Variants in BET1 observed in about 807,000 individuals in gnomAD.
The protein encoded by BET1 is Bet1 golgi vesicular membrane trafficking protein, also known as BET1 homolog.
BET1 carries 9 observed loss-of-function variants against 13.9 expected under a neutral mutation model. The ratio of observed to expected loss-of-function variants is 0.65; its 90% CI spans 0.39 to 1.13. The LOEUF is 1.13. Ranked by LOEUF, BET1 falls within the 50% of genes most tolerant of loss-of-function variation. BET1 has a pLI of 0.01. For synonymous variants in BET1, 39 were observed against 47.3 expected (o/e 0.82, Z 0.72); for missense variants, 127 against 133.6 (o/e 0.95, Z 0.24).
exon 7 of BET1, chr7:93,963,516 G>T (rs1476134126): frequency 6.6e-6 from 1 of 151,932 alleles, no homozygotes; most frequent in Non-Finnish European, 1.5e-5. Flanking sequence ...AGTCTTCACT[G>T]AGGGAAGGAT....
intron 5 of BET1, chr7:93,975,899 C>T: frequency 1.2e-5 from 13 of 1,121,044 alleles, no homozygotes; most frequent in Non-Finnish European, 1.5e-5. Context: ...TTGTTAAAAA[C>T]TTACTTCTTT....
rs146435640 is a variant in BET1 at position 93,964,492 on chromosome 7, C to T, written c.*1333G>A. Reference sequence around the variant, plus strand: ...GATATTCCATGGCATATATGTACCACATTTTCTTTATCCAGTCCACTGTTG... The same window carrying T: ...GATATTCCATGGCATATATGTACCATATTTTCTTTATCCAGTCCACTGTTG... On this transcript the variant is annotated 3_prime_UTR_variant and NMD_transcript_variant, in exon 7 of 7. Coordinates refer to the BET1 transcript ENST00000357520. 5.5e-4 allele frequency: 84 copies of T among 152,182 alleles called. 1 individual carries two copies. The highest frequency in any genetic ancestry group is 1.9e-3 in the African/African-American group (80 of 41,542). 9.4% of individuals were successfully genotyped at this position (152,182 alleles called of 1,614,324 possible).
Position 93,996,337 on chromosome 7 carries a change from T to C in BET1, c.145-16A>G, listed in dbSNP as rs566777984. On this transcript the variant is annotated splice_polypyrimidine_tract_variant and intron_variant, in intron 2 of 3. Coordinates refer to ENST00000222547, the MANE Select transcript of BET1 (RefSeq NM_005868.6). ...CAATGGAAAGCTATAAAGAAGAAGGTATACACAGGATTACTCACATAAAAG... is the reference window on the plus strand; with the variant it reads ...CAATGGAAAGCTATAAAGAAGAAGGCATACACAGGATTACTCACATAAAAG... 3.3e-6 allele frequency: 5 copies of C among 1,531,574 alleles called. No individual in the cohort carries two copies. Among genetic ancestry groups the C allele is most frequent in the African/African-American group, 2.8e-5 (2 of 71,250 alleles). 94.9% of individuals were successfully genotyped at this position (1,531,574 alleles called of 1,614,324 possible).
chr7:93,996,426 G>A lies in BET1; in HGVS notation c.145-105C>T, dbSNP rs180935449. The A allele has an allele frequency of 7.6e-4, 601 of 793,196 alleles. 4 individuals carry two copies. The African/African-American group carries it at 9.1e-3, about 12-fold the overall frequency. 49.1% of individuals were successfully genotyped at this position (793,196 alleles called of 1,614,324 possible). On this transcript the variant is annotated intron_variant, in intron 2 of 3. Transcript: ENST00000222547. ...GCATACACATTTTCTGAAATGAAAC[G>A]GTCTTCTAGACACATAAACTCTCTT...
downstream of BET1, chr7:93,992,663 T>G: frequency 1.0e-6 from 1 of 985,204 alleles, no homozygotes; most frequent in South Asian, 4.7e-5. Flanking sequence ...TGTCTTGTCC[T>G]TAAAATAACT....
intron 2 of BET1, among the ~76,000 whole-genome samples, chr7:93,997,059 G>A (rs1309224814): frequency 3.9e-5 from 6 of 151,984 alleles, no homozygotes; most frequent in Non-Finnish European, 8.8e-5. Flanking sequence ...GAAGAAAAGA[G>A]CCATAGCTTA....
At chr7:93,976,007 T>C (rs959682339) in exon 5 of BET1, 2 of 1,280,544 alleles carry the variant, frequency 1.6e-6, no homozygotes, top group Non-Finnish European at 2.0e-6. Flanking sequence ...CCTCCTTCTT[T>C]TTAAGCTTCT....
chr7:93,985,655 A>G (rs975769276), intron 4 of BET1, among the ~76,000 whole-genome samples: 5 of 152,208 alleles, frequency 3.3e-5, no homozygotes, highest in Admixed American at 6.5e-5. Context: ...CTGTGTTCAA[A>G]CCAAATAATG....
In BET1 at chr7:93,972,843, CT is replaced by C. The variant is rs879404905; in HGVS notation, c.*49-181del. On this transcript the variant is annotated intron_variant and NMD_transcript_variant, in intron 5 of 6. Coordinates refer to the BET1 transcript ENST00000357520. ...AGTGGGTAGACAGCATCACTCGTAT[CT>C]TTTTTTTTTTTTCTTCTATCATCTG... is the stretch of plus-strand genomic sequence containing the variant. Among the ~76,000 whole-genome samples, 1,435 of 144,512 alleles carry C rather than the reference CT, an allele frequency of 9.9e-3. 17 individuals carry two copies. Among genetic ancestry groups the C allele is most frequent in the African/African-American group, 0.03 (1,196 of 39,870 alleles). 94.8% of individuals were successfully genotyped at this position (144,512 alleles called of 152,430 possible).
At chr7:93,998,660 T>C (rs1023050049) in intron 2 of BET1, among the ~76,000 whole-genome samples, 4 of 150,362 alleles carry the variant, frequency 2.7e-5, no homozygotes, top group African/African-American at 9.8e-5. Flanking sequence ...AACTGCACCA[T>C]TGCACTCCAG....
Position 94,004,341 on chromosome 7 carries a change from C to A in BET1, c.-125G>T. 7.5e-7 allele frequency: 1 copy of A among 1,330,678 alleles called. No individual in the cohort carries two copies. Among genetic ancestry groups the A allele is most frequent in the South Asian group, 1.2e-5 (1 of 83,846 alleles). 82.4% of individuals were successfully genotyped at this position (1,330,678 alleles called of 1,614,324 possible). The stretch of plus-strand genomic sequence containing the variant: ...GAAACACCAACTTCTTCCCCTAAAG[C>A]GCCACGACATCAGTGGAGTCTAAAC... On this transcript the variant is annotated 5_prime_UTR_variant, in exon 1 of 4. Coordinates refer to ENST00000222547, the MANE Select transcript of BET1 (RefSeq NM_005868.6).
chr7:93,969,590 G>C (rs1192901817), intron 6 of BET1: 1 of 150,794 alleles, frequency 6.6e-6, no homozygotes, highest in Non-Finnish European at 1.5e-5. Context: ...TTTATGACCT[G>C]CTTTTTTTTT....
rs75703209 is a variant in BET1, at chr7:93,974,454, A to C, written c.*48+1450T>G. On this transcript the variant is annotated intron_variant and NMD_transcript_variant, in intron 5 of 6. Transcript: ENST00000357520. The stretch of plus-strand genomic sequence containing the variant: ...TAAGACTTTAGCCCCATGCAGCAGC[A>C]GGAAGTACGACAGTGCTCAAAAAAG... 2.8e-3 allele frequency among the ~76,000 whole-genome samples: 424 copies of C among 152,156 alleles called. 1 individual carries two copies. The highest frequency in any genetic ancestry group is 9.7e-3 in the African/African-American group (402 of 41,554).
chr7:93,980,026 C>T (rs1461232373), intron 4 of BET1, among the ~76,000 whole-genome samples: 1 of 152,042 alleles, frequency 6.6e-6, no homozygotes, highest in African/African-American at 2.4e-5. Context: ...AATTTTCCTA[C>T]CTACAAGAAA....
intron 3 of BET1, chr7:93,995,926 C>G: frequency 2.8e-6 from 1 of 358,316 alleles, no homozygotes; most frequent in East Asian, 4.2e-5. Context: ...TATCAAGTGC[C>G]TTTTGATTGC....
At chr7:93,996,807 G>A (rs1325041608) in intron 2 of BET1, among the ~76,000 whole-genome samples, 1 of 151,214 alleles carries the variant, frequency 6.6e-6, no homozygotes, top group African/African-American at 2.4e-5. Flanking sequence ...TTTGTTGTAC[G>A]GATTATTTCG....
intron 3 of BET1, 125 bp downstream of exon 3, chr7:93,996,140 T>G: frequency 1.4e-6 from 1 of 730,124 alleles, no homozygotes; most frequent in Non-Finnish European, 2.3e-6. Context: ...TCCAAACACA[T>G]TAGATACAAA....
At chr7:94,003,598 G>A (rs1467504591) in intron 1 of BET1, among the ~76,000 whole-genome samples, 1 of 152,006 alleles carries the variant, frequency 6.6e-6, no homozygotes, top group African/African-American at 2.4e-5. Flanking sequence ...TAACCCCAAA[G>A]GTAAAGATCA....
chr7:93,984,695 G>T (rs1402268242), intron 4 of BET1, among the ~76,000 whole-genome samples: 20 of 152,106 alleles, frequency 1.3e-4, no homozygotes, highest in Admixed American at 1.3e-3. Flanking sequence ...TCCAGATTGT[G>T]TTTGCAAATG....
Sources: allele counts gnomAD v4.1 joint callset (sites outside exome capture counted in the v4.1 genomes callset), GRCh38; gene constraint gnomAD v4.1.1; transcripts MANE v1.5; gene names NCBI Gene and HGNC (gene_info 2026-07-23, HGNC 2026-07-21).